PACSIN2: variants seen among roughly 807,000 people sequenced by gnomAD.
PACSIN2 encodes the protein protein kinase C and casein kinase substrate in neurons protein 2.
A neutral mutation model predicts 63.8 loss-of-function variants in PACSIN2; 25 were observed. The observed-to-expected ratio is 0.39, with a 90% CI of 0.29 to 0.55. PACSIN2 has a LOEUF of 0.55. Ranked by LOEUF, PACSIN2 falls within the 20% of genes least tolerant of loss-of-function variation. PACSIN2 has a pLI of 0.62. For synonymous variants in PACSIN2, 255 were observed against 256.2 expected (o/e 1.00, Z 0.05); for missense variants, 518 against 646.9 (o/e 0.80, Z 2.16).
intron 1 of PACSIN2, among the ~76,000 whole-genome samples, chr22:42,986,034 G>A (rs969035339): frequency 6.6e-6 from 1 of 152,176 alleles, no homozygotes; most frequent in African/African-American, 2.4e-5. Flanking sequence ...GGAGGCTCAC[G>A]CTTGACTTTC....
At chr22:42,904,939 C>T (rs984518558) in intron 2 of PACSIN2, among the ~76,000 whole-genome samples, 8 of 152,166 alleles carry the variant, frequency 5.3e-5, no homozygotes, top group African/African-American at 1.7e-4. Context: ...CTAAGCCCAC[C>T]ACAGTCTAAT....
intron 1 of PACSIN2, among the ~76,000 whole-genome samples, chr22:42,989,861 A>G (rs1416139833): frequency 2.7e-5 from 2 of 74,798 alleles, no homozygotes; most frequent in African/African-American, 1.7e-4. Context: ...TGGAGGGGGA[A>G]AAAAAAATAT....
chr22:42,986,039 A>G (rs774710029), intron 1 of PACSIN2, among the ~76,000 whole-genome samples: 4 of 152,172 alleles, frequency 2.6e-5, no homozygotes, highest in Non-Finnish European at 2.9e-5. Flanking sequence ...CTCACGCTTG[A>G]CTTTCCAAAC....
At chr22:43,005,569 G>C (rs1336411743) in intron 1 of PACSIN2, among the ~76,000 whole-genome samples, 1 of 152,134 alleles carries the variant, frequency 6.6e-6, no homozygotes, top group Non-Finnish European at 1.5e-5. Context: ...CCAATGACCT[G>C]CGACTACACC....
At chr22:42,978,847 C>T (rs1350892109) in intron 1 of PACSIN2, among the ~76,000 whole-genome samples, 1 of 152,186 alleles carries the variant, frequency 6.6e-6, no homozygotes, top group East Asian at 1.9e-4. Flanking sequence ...CAACAGCATT[C>T]CAGCTGGGCT....
chr22:42,950,355 T>C (rs1477471208), intron 1 of PACSIN2, among the ~76,000 whole-genome samples: 3 of 4,884 alleles, frequency 6.1e-4, no homozygotes, highest in African/African-American at 1.9e-3. Flanking sequence ...AAGGAACAAA[T>C]TGTCTAAATA....
chr22:42,895,208 C>A (rs1028263330), intron 2 of PACSIN2, among the ~76,000 whole-genome samples: 1 of 152,194 alleles, frequency 6.6e-6, no homozygotes, highest in Non-Finnish European at 1.5e-5. Flanking sequence ...GTGAGGAAGT[C>A]GGAAGTGAGC....
intron 2 of PACSIN2, among the ~76,000 whole-genome samples, chr22:42,894,987 G>A (rs1450170662): frequency 6.6e-6 from 1 of 152,214 alleles, no homozygotes; most frequent in Non-Finnish European, 1.5e-5. Context: ...TACATGGGCT[G>A]AGATGACTCC....
At chr22:42,879,889 T>C (rs538210906) in intron 7 of PACSIN2, among the ~76,000 whole-genome samples, 1 of 152,292 alleles carries the variant, frequency 6.6e-6, no homozygotes, top group African/African-American at 2.4e-5. Flanking sequence ...ACTTTTCCTC[T>C]GTGATCTGAG....
Position 42,870,598 on chromosome 22 carries a change from TAC to T in PACSIN2, c.*757_*758del, listed in dbSNP as rs1387742362. 7.2e-5 allele frequency: 11 copies of T among 152,040 alleles called. No homozygotes were observed. The highest frequency in any genetic ancestry group is 2.7e-4 in the African/African-American group (11 of 41,384). The allele number at this position is 152,040 out of a possible 1,614,324, so 9.4% of individuals were successfully genotyped here. A position where few individuals can be genotyped will look rare whatever the true frequency, so the allele number is the denominator to read the frequency against. On this transcript the variant is annotated 3_prime_UTR_variant, in exon 11 of 11. Transcript: ENST00000263246. ...ATAAAATTGTTAATTTGCAAAAGAG[TAC>T]AGTTTTAAGCAAGAATAGAGTGAAA...
At chr22:42,930,958 G>A (rs1420826568) in intron 1 of PACSIN2, among the ~76,000 whole-genome samples, 1 of 152,238 alleles carries the variant, frequency 6.6e-6, no homozygotes, top group African/African-American at 2.4e-5. Flanking sequence ...ACGTGTGCGT[G>A]ACTCTGAAGA....
chr22:42,878,984 T>C, intron 8 of PACSIN2, 64 bp downstream of exon 8: 4 of 1,563,164 alleles, frequency 2.6e-6, no homozygotes, highest in East Asian at 4.5e-5. Flanking sequence ...CCCTGGACCA[T>C]GCAGATTGCC....
chr22:42,986,298 G>A (rs997984704), intron 1 of PACSIN2, among the ~76,000 whole-genome samples: 6 of 152,234 alleles, frequency 3.9e-5, no homozygotes, highest in African/African-American at 1.4e-4. Flanking sequence ...GGGCTGCAGT[G>A]TGGTCAGCGA....
At chr22:42,881,532 C>T (rs1265043118) in intron 7 of PACSIN2, among the ~76,000 whole-genome samples, 2 of 152,194 alleles carry the variant, frequency 1.3e-5, no homozygotes, top group Admixed American at 1.3e-4. Context: ...GTGCTTAAGC[C>T]TCAGGGGCAC....
intron 2 of PACSIN2, among the ~76,000 whole-genome samples, chr22:42,907,181 G>A (rs975514523): frequency 9.9e-5 from 15 of 152,246 alleles, no homozygotes; most frequent in African/African-American, 3.4e-4. Context: ...GAGCTTCTCA[G>A]GAAGAGCCAG....
rs141488058 is a variant in PACSIN2 at position 42,979,211 on chromosome 22, T to C, written c.-78+35810A>G. ...GATGGTTCATCTGTTTGTGTTTTTA[T>C]TTATAGATTTACAGAAATATAGAGA... On this transcript the variant is annotated intron_variant, in intron 1 of 10. Transcript: ENST00000263246. Among the ~76,000 whole-genome samples, 522 of 152,260 alleles carry C rather than the reference T, an allele frequency of 3.4e-3. 4 individuals carry two copies. Among genetic ancestry groups the C allele is most frequent in the East Asian group, 0.031 (160 of 5,176 alleles).
intron 1 of PACSIN2, among the ~76,000 whole-genome samples, chr22:42,974,748 C>CA (rs763775543): frequency 0.015 from 897 of 57,878 alleles, 6 homozygotes; most frequent in Middle Eastern, 0.089. Context: ...GATCTTGTCT[C>CA]AAAAAAAAAA....
intron 2 of PACSIN2, among the ~76,000 whole-genome samples, chr22:42,905,689 C>T (rs1181514649): frequency 2.0e-5 from 3 of 152,256 alleles, no homozygotes; most frequent in Admixed American, 2.0e-4. Flanking sequence ...CACCAAAGGG[C>T]ATGAAAGAGC....
chr22:42,887,772 C>T (rs1276912159), intron 5 of PACSIN2, among the ~76,000 whole-genome samples: 3 of 152,216 alleles, frequency 2.0e-5, no homozygotes, highest in African/African-American at 7.2e-5. Flanking sequence ...CACTTATCTA[C>T]ACCTGCGGAG....
Sources: gnomAD v4.1 joint callset for allele counts (sites outside exome capture counted in the v4.1 genomes callset) on GRCh38, gnomAD v4.1.1 for gene constraint, MANE v1.5 for transcripts, NCBI Gene and HGNC (gene_info 2026-07-23, HGNC 2026-07-21) for gene names.